CADM2: variants seen among roughly 807,000 people sequenced by gnomAD.
The protein encoded by CADM2 is immunoglobulin superfamily member 4D.
CADM2 carries 12 observed loss-of-function variants against 49.8 expected under a neutral mutation model. The ratio of observed to expected loss-of-function variants is 0.24; its 90% CI spans 0.15 to 0.39. CADM2 has a LOEUF of 0.39. CADM2 is among the 10% of genes least tolerant of loss of function. The probability of loss-of-function intolerance (pLI) is 1.00; values close to 1 mark genes in which losing one functional copy is unlikely to be tolerated. For missense variants in CADM2, 378 were observed against 492.3 expected (o/e 0.77, Z 2.20); for synonymous variants, 214 against 175.4 (o/e 1.22, Z -1.74).
intron 6 of CADM2, among the ~76,000 whole-genome samples, chr3:85,930,558 A>AT (rs1395799692): frequency 3.3e-5 from 5 of 151,926 alleles, no homozygotes; most frequent in South Asian, 2.1e-4. Context: ...ATTCTTTCTA[A>AT]TTTTTTTCTC....
At chr3:85,563,411 T>TGG (rs60602469) in intron 1 of CADM2, among the ~76,000 whole-genome samples, 25,690 of 142,048 alleles carry the variant, frequency 0.18, 3,756 homozygotes, top group East Asian at 0.27. Flanking sequence ...TGTGTGTGTG[T>TGG]GGGGGGGTGG....
chr3:85,764,395 A>G (rs531640452), intron 2 of CADM2, among the ~76,000 whole-genome samples: 1 of 152,220 alleles, frequency 6.6e-6, no homozygotes, highest in East Asian at 1.9e-4. Context: ...ATCTTTTTAA[A>G]TAAGACAATG....
At chr3:85,118,810 C>T (rs376924843) in intron 1 of CADM2, among the ~76,000 whole-genome samples, 20 of 152,122 alleles carry the variant, frequency 1.3e-4, no homozygotes, top group Admixed American at 3.9e-4. Flanking sequence ...AGTGCAATGG[C>T]GCGATCTCCG....
intron 1 of CADM2, among the ~76,000 whole-genome samples, chr3:85,713,021 A>G (rs2067161961): frequency 2.0e-5 from 3 of 152,186 alleles, no homozygotes; most frequent in Admixed American, 2.0e-4. Context: ...ATGTAGTCAT[A>G]GATCTTCAGT....
chr3:86,055,211 T>G (rs182699805), intron 8 of CADM2, among the ~76,000 whole-genome samples: 1 of 152,164 alleles, frequency 6.6e-6, no homozygotes. Flanking sequence ...AGATATGACA[T>G]ATGCATATGT....
At chr3:85,317,854 A>G (rs779302537) in intron 1 of CADM2, among the ~76,000 whole-genome samples, 4 of 152,238 alleles carry the variant, frequency 2.6e-5, no homozygotes, top group Non-Finnish European at 5.9e-5. Flanking sequence ...TAGCATGAAT[A>G]TTTGATAACA....
At chr3:85,135,897 G>C (rs1418876975) in intron 1 of CADM2, among the ~76,000 whole-genome samples, 1 of 151,940 alleles carries the variant, frequency 6.6e-6, no homozygotes, top group Non-Finnish European at 1.5e-5. Flanking sequence ...TAAGTGCCAT[G>C]ATCAAGAATT....
intron 1 of CADM2, among the ~76,000 whole-genome samples, chr3:85,669,963 CT>C (rs1577055515): frequency 8.0e-6 from 1 of 125,712 alleles, no homozygotes; most frequent in East Asian, 2.8e-4. Flanking sequence ...ATCTTGGGTT[CT>C]TTTCTCAGTT....
intron 1 of CADM2, among the ~76,000 whole-genome samples, chr3:85,069,092 G>A (rs1219803449): frequency 1.3e-5 from 2 of 151,836 alleles, no homozygotes; most frequent in Non-Finnish European, 2.9e-5. Flanking sequence ...AATTATGGCC[G>A]TTGATGCCTT....
intron 1 of CADM2, among the ~76,000 whole-genome samples, chr3:85,689,881 T>G (rs2107677925): frequency 6.6e-6 from 1 of 152,306 alleles, no homozygotes; most frequent in South Asian, 2.1e-4. Context: ...TAAAGTTTTT[T>G]ATGGAGTAGT....
intron 8 of CADM2, among the ~76,000 whole-genome samples, chr3:86,025,547 C>G (rs752980654): frequency 2.0e-4 from 30 of 152,016 alleles, no homozygotes; most frequent in Non-Finnish European, 3.2e-4. Context: ...CTTCATCTGG[C>G]AGACACTTCC....
At chr3:85,581,905 A>G (rs1369895793) in intron 1 of CADM2, among the ~76,000 whole-genome samples, 1 of 138,382 alleles carries the variant, frequency 7.2e-6, no homozygotes, top group East Asian at 2.4e-4. Flanking sequence ...ATTTTATTTG[A>G]AGTGTTTTTT....
At chr3:86,058,224 G>A (rs1425781568) in intron 8 of CADM2, among the ~76,000 whole-genome samples, 9 of 152,030 alleles carry the variant, frequency 5.9e-5, no homozygotes, top group African/African-American at 2.2e-4. Context: ...ACTTAGAATG[G>A]TTCACAGTTT....
At chr3:85,408,885 T>G (rs1448490006) in intron 1 of CADM2, among the ~76,000 whole-genome samples, 1 of 152,188 alleles carries the variant, frequency 6.6e-6, no homozygotes, top group Non-Finnish European at 1.5e-5. Flanking sequence ...GGCAAAATAT[T>G]AAAGCCAATG....
chr3:85,977,014 T>TA (rs1726868973), intron 8 of CADM2, among the ~76,000 whole-genome samples: 1 of 151,394 alleles, frequency 6.6e-6, no homozygotes, highest in African/African-American at 2.4e-5. Context: ...AGAATGCTCC[T>TA]AGTACTTGAA....
intron 1 of CADM2, among the ~76,000 whole-genome samples, chr3:85,200,375 A>G (rs1356032303): frequency 1.3e-5 from 2 of 152,080 alleles, no homozygotes; most frequent in Non-Finnish European, 1.5e-5. Context: ...TATTTTTTAG[A>G]TACTGATAAC....
intron 1 of CADM2, among the ~76,000 whole-genome samples, chr3:85,695,750 C>G (rs1224357762): frequency 6.6e-6 from 1 of 151,924 alleles, no homozygotes; most frequent in Non-Finnish European, 1.5e-5. Flanking sequence ...GATGTAATGA[C>G]TTTTTTCACT....
At chr3:85,954,668 T>A (rs1384437388) in intron 7 of CADM2, among the ~76,000 whole-genome samples, 1 of 151,258 alleles carries the variant, frequency 6.6e-6, no homozygotes, top group Non-Finnish European at 1.5e-5. Context: ...AAGCTAAAGT[T>A]TGTTCAGGAT....
rs1030051859 is a variant in CADM2 at position 85,576,300 on chromosome 3, G to A, written c.62-150222G>A. On this transcript the variant is annotated intron_variant, in intron 1 of 9. Transcript: ENST00000383699. ...TCTAGTGGCAGTACCTTAGAACTGCGGACATATGGTCCTCAAAGCTGAGAA... is the reference window on the plus strand; with the variant it reads ...TCTAGTGGCAGTACCTTAGAACTGCAGACATATGGTCCTCAAAGCTGAGAA... Among the ~76,000 whole-genome samples, 8 of 151,984 alleles carry A rather than the reference G, an allele frequency of 5.3e-5. No individual in the cohort carries two copies. In the East Asian group the frequency reaches 7.7e-4, roughly 15 times the overall value.
Sources: gnomAD v4.1 joint callset for allele counts (sites outside exome capture counted in the v4.1 genomes callset) on GRCh38, gnomAD v4.1.1 for gene constraint, MANE v1.5 for transcripts, NCBI Gene and HGNC (gene_info 2026-07-23, HGNC 2026-07-21) for gene names.